Variants in NCKAP5 observed in about 807,000 individuals in gnomAD.
The protein encoded by NCKAP5 is NCK associated protein 5, also known as nck-associated protein 5.
In NCKAP5, 92 loss-of-function variants were observed where a neutral mutation model predicts 167.0. That is an observed-to-expected ratio of 0.55 (90% CI 0.47 to 0.66). The LOEUF is 0.66. NCKAP5 is among the 30% of genes least tolerant of loss of function. NCKAP5 has a pLI of 0.00. For missense variants in NCKAP5, 2,378 were observed against 2,315.0 expected (o/e 1.03, Z -0.56); for synonymous variants, 891 against 877.4 (o/e 1.02, Z -0.27).
At chr2:133,439,128 T>C (rs758607832) in intron 3 of NCKAP5, among the ~76,000 whole-genome samples, 2 of 152,232 alleles carry the variant, frequency 1.3e-5, no homozygotes, top group African/African-American at 2.4e-5. Flanking sequence ...CAGAGTGAGC[T>C]GCTGAAAGGC....
At chr2:132,719,346 G>A (rs1167514602) in intron 19 of NCKAP5, among the ~76,000 whole-genome samples, 1 of 151,044 alleles carries the variant, frequency 6.6e-6, no homozygotes, top group East Asian at 2.0e-4. Context: ...TATTTTAACA[G>A]CAAAAGGACA....
chr2:133,583,317 C>T, the NCKAP5 span, among the ~76,000 whole-genome samples: 2 of 152,192 alleles, frequency 1.3e-5, no homozygotes, highest in African/African-American at 4.8e-5. Flanking sequence ...GGTGAGTTCT[C>T]ACTGTGAGTT....
At chr2:133,365,780 A>G (rs1179711213) in intron 3 of NCKAP5, among the ~76,000 whole-genome samples, 1 of 152,224 alleles carries the variant, frequency 6.6e-6, no homozygotes. Flanking sequence ...TCTGACTTCT[A>G]TAAGTTTCCT....
At chr2:133,230,257 A>G (rs1279794704) in intron 4 of NCKAP5, among the ~76,000 whole-genome samples, 1 of 152,156 alleles carries the variant, frequency 6.6e-6, no homozygotes, top group Non-Finnish European at 1.5e-5. Context: ...ATGCCACTGT[A>G]GTTATAACCC....
intron 5 of NCKAP5, among the ~76,000 whole-genome samples, chr2:133,205,995 T>C (rs1476059801): frequency 6.6e-6 from 1 of 152,192 alleles, no homozygotes; most frequent in Non-Finnish European, 1.5e-5. Flanking sequence ...CAATCATTAC[T>C]TGCAAATAAT....
At chr2:133,421,215 A>C (rs757510143) in intron 3 of NCKAP5, among the ~76,000 whole-genome samples, 1 of 152,048 alleles carries the variant, frequency 6.6e-6, no homozygotes, top group African/African-American at 2.4e-5. Context: ...CTCATTCCAC[A>C]TTACAGCTAA....
chr2:133,334,889 G>T (rs1435845060), intron 3 of NCKAP5, among the ~76,000 whole-genome samples: 1 of 152,138 alleles, frequency 6.6e-6, no homozygotes, highest in Non-Finnish European at 1.5e-5. Context: ...GATCAGGTTT[G>T]CTCCTTTACA....
chr2:133,403,908 T>C (rs1437473292), intron 3 of NCKAP5, among the ~76,000 whole-genome samples: 2 of 152,066 alleles, frequency 1.3e-5, no homozygotes, highest in African/African-American at 2.4e-5. Flanking sequence ...TGTGTGTGTG[T>C]GTGTGTGTAG....
chr2:133,310,900 C>T (rs1169564406), intron 3 of NCKAP5, among the ~76,000 whole-genome samples: 2 of 152,228 alleles, frequency 1.3e-5, no homozygotes, highest in South Asian at 2.1e-4. Context: ...GCAGTCATGA[C>T]AAGATGGCAG....
At chr2:133,106,242 G>A (rs1257871974) in intron 6 of NCKAP5, among the ~76,000 whole-genome samples, 3 of 138,384 alleles carry the variant, frequency 2.2e-5, no homozygotes, top group Admixed American at 7.6e-5. Flanking sequence ...GCAGTGAGCC[G>A]AGATGCCACC....
At chr2:132,775,186 AATT>A (rs1407939530) in intron 15 of NCKAP5, among the ~76,000 whole-genome samples, 1 of 152,222 alleles carries the variant, frequency 6.6e-6, no homozygotes, top group Non-Finnish European at 1.5e-5. Context: ...AATGCCAAGA[AATT>A]ATTATTTTAT....
At chr2:133,612,559 C>T in the NCKAP5 span, among the ~76,000 whole-genome samples, 7 of 152,134 alleles carry the variant, frequency 4.6e-5, no homozygotes, top group Non-Finnish European at 7.3e-5. Context: ...ACAATGCAGA[C>T]ATTGTGACTT....
At chr2:133,145,170 G>A (rs1049149889) in intron 5 of NCKAP5, among the ~76,000 whole-genome samples, 1 of 151,864 alleles carries the variant, frequency 6.6e-6, no homozygotes. Flanking sequence ...GGAATATACA[G>A]TAAGGCTCTG....
chr2:133,414,407 T>C (rs887720189), intron 3 of NCKAP5, among the ~76,000 whole-genome samples: 3 of 152,150 alleles, frequency 2.0e-5, no homozygotes, highest in Non-Finnish European at 4.4e-5. Context: ...ATTACTCTAG[T>C]GGAATCATTT....
the NCKAP5 span, among the ~76,000 whole-genome samples, chr2:133,595,692 T>C: frequency 2.6e-5 from 4 of 152,014 alleles, no homozygotes; most frequent in African/African-American, 9.7e-5. Flanking sequence ...ACTGTTTCTG[T>C]AAAGGGCTAG....
chr2:133,093,206 C>G (rs1199903487), intron 6 of NCKAP5, among the ~76,000 whole-genome samples: 3 of 152,142 alleles, frequency 2.0e-5, no homozygotes, highest in Admixed American at 6.5e-5. Flanking sequence ...ATAATCATTT[C>G]ATTCAATTAA....
At chr2:132,890,335 G>A (rs1692593847) in intron 8 of NCKAP5, among the ~76,000 whole-genome samples, 1 of 151,996 alleles carries the variant, frequency 6.6e-6, no homozygotes. Flanking sequence ...GAGGCCAAAG[G>A]GCTGTACCTG....
intron 3 of NCKAP5, among the ~76,000 whole-genome samples, chr2:133,359,125 T>C (rs574286971): frequency 6.6e-6 from 1 of 152,314 alleles, no homozygotes; most frequent in Admixed American, 6.5e-5. Flanking sequence ...GAAAGAAACA[T>C]TGACATTCCT....
intron 3 of NCKAP5, among the ~76,000 whole-genome samples, chr2:133,313,155 A>T (rs111837638): frequency 7.5e-4 from 115 of 152,330 alleles, no homozygotes; most frequent in African/African-American, 2.6e-3. Flanking sequence ...AACTAGCTAC[A>T]GAATGACCCC....
Sources: allele counts gnomAD v4.1 joint callset (sites outside exome capture counted in the v4.1 genomes callset), GRCh38; gene constraint gnomAD v4.1.1; transcripts MANE v1.5; gene names NCBI Gene and HGNC (gene_info 2026-07-23, HGNC 2026-07-21).